LRRN2: variants seen among roughly 807,000 people sequenced by gnomAD.
The protein encoded by LRRN2 is leucine-rich repeat neuronal protein 2.
A neutral mutation model predicts 35.7 loss-of-function variants in LRRN2; 10 were observed. The observed-to-expected ratio is 0.28, with a 90% CI of 0.17 to 0.47. LRRN2 has a LOEUF of 0.47. Among genes scored for constraint, LRRN2 ranks in the 20% least tolerant of loss-of-function variants. The pLI is 0.99. For missense variants in LRRN2, 731 were observed against 940.3 expected (o/e 0.78, Z 2.91); for synonymous variants, 391 against 409.6 (o/e 0.95, Z 0.55).
chr1:204,679,957 T>C (rs1438237017), intron 1 of LRRN2, among the ~76,000 whole-genome samples: 1 of 152,152 alleles, frequency 6.6e-6, no homozygotes, highest in Non-Finnish European at 1.5e-5. Flanking sequence ...AGGGCTGGCT[T>C]AGGGGACTTT....
In LRRN2 at chr1:204,617,677, G is replaced by A. The variant is rs3789046; in HGVS notation, c.*174C>T. The stretch of plus-strand genomic sequence containing the variant: ...CCTAGGAGGTAAGGGCAACTTTTTC[G>A]AGGCTGCAGAAGCACCCCCAGGGCC... On this transcript the variant is annotated 3_prime_UTR_variant, in exon 2 of 2. Coordinates refer to ENST00000367177, the MANE Select transcript of LRRN2 (RefSeq NM_201630.2). The A allele has an allele frequency of 0.41, 294,516 of 712,540 alleles. 65,419 individuals are homozygous for A. Among genetic ancestry groups the A allele is most frequent in the Admixed American group, 0.48 (18,229 of 37,940 alleles). 44.1% of individuals were successfully genotyped at this position (712,540 alleles called of 1,614,324 possible).
intron 1 of LRRN2, among the ~76,000 whole-genome samples, chr1:204,657,339 T>C (rs1556156): frequency 0.47 from 58,324 of 123,618 alleles, 12,857 homozygotes; most frequent in East Asian, 0.6. Flanking sequence ...TATATGTATA[T>C]ATACACACAC....
intron 1 of LRRN2, among the ~76,000 whole-genome samples, chr1:204,654,452 A>G (rs1464921063): frequency 5.3e-5 from 8 of 152,220 alleles, no homozygotes; most frequent in Admixed American, 5.2e-4. Flanking sequence ...TTTCATCTGC[A>G]AATCAGAACA....
rs201376768 is a variant in LRRN2 at position 204,619,306 on chromosome 1, G to A, written c.687C>T (p.Ser229=). 2,245 of 1,614,140 alleles carry A rather than the reference G, an allele frequency of 1.4e-3. 35 individuals carry two copies. In the South Asian group the frequency reaches 0.022, roughly 16 times the overall value. ...TTTGCAGCCCCTCCAGGGCATAGTC[G>A]GAGATCTCCCGCAGGTTCATGCCTG... ...VLAGMNLREI[S]DYALEGLQSL... is the part of the protein sequence containing the mutation. Residue 229 remains serine (S), a synonymous_variant, in exon 2 of 2, where the codon TCC becomes TCT. Coordinates refer to ENST00000367177, the MANE Select transcript of LRRN2 (RefSeq NM_201630.2).
At chr1:204,623,108 G>C (rs1193622534) in intron 1 of LRRN2, among the ~76,000 whole-genome samples, 1 of 152,056 alleles carries the variant, frequency 6.6e-6, no homozygotes, top group African/African-American at 2.4e-5. Flanking sequence ...TCAAAAACAC[G>C]AAACAACTAG....
intron 1 of LRRN2, among the ~76,000 whole-genome samples, chr1:204,659,609 GGTGTGTGTGTGTGTGT>G (rs113175099): frequency 6.8e-6 from 1 of 148,068 alleles, no homozygotes; most frequent in African/African-American, 2.5e-5. Flanking sequence ...TCTACCTTCA[GGTGTGTGTGTGTGTGT>G]GTGTGTGTGT....
At chr1:204,651,135 G>C (rs1464730464) in intron 1 of LRRN2, among the ~76,000 whole-genome samples, 1 of 152,192 alleles carries the variant, frequency 6.6e-6, no homozygotes, top group Non-Finnish European at 1.5e-5. Context: ...CTGGTTCTGA[G>C]GAAGCTGTGC....
At position 204,619,981 on chromosome 1, in the gene LRRN2, G is replaced by T; in HGVS notation, c.12C>A (p.Leu4=). MRL[L]VAPLLLAWVA... ...CCCAAGCTAGCAAGAGTGGGGCCAC[G>T]AGAAGCCTCATGGTGGAGCTGCAGG... Residue 4 remains leucine (L), a synonymous_variant, in exon 2 of 2, where the codon CTC becomes CTA. Transcript: ENST00000367177. 6.2e-7 allele frequency: 1 copy of T among 1,609,542 alleles called. No individual in the cohort carries two copies. Among genetic ancestry groups the T allele is most frequent in the Admixed American group, 1.7e-5 (1 of 59,234 alleles).
At chr1:204,651,056 T>C (rs1270466499) in intron 1 of LRRN2, among the ~76,000 whole-genome samples, 2 of 152,182 alleles carry the variant, frequency 1.3e-5, no homozygotes, top group African/African-American at 4.8e-5. Flanking sequence ...ACATGAGTCA[T>C]TAAAGCAGCT....
intron 1 of LRRN2, among the ~76,000 whole-genome samples, chr1:204,650,007 C>A (rs1465743421): frequency 6.6e-6 from 1 of 152,230 alleles, no homozygotes; most frequent in Non-Finnish European, 1.5e-5. Context: ...GCCTTGTAAA[C>A]AGGCAGCTCC....
At chr1:204,657,470 T>C (rs1443200589) in intron 1 of LRRN2, among the ~76,000 whole-genome samples, 1 of 152,048 alleles carries the variant, frequency 6.6e-6, no homozygotes, top group Non-Finnish European at 1.5e-5. Context: ...AAGTGGAAGA[T>C]GCCAGACACA....
At position 204,675,511 on chromosome 1, in the gene LRRN2, C is replaced by T. The variant is rs372679561; in HGVS notation, c.-227+9809G>A. Among the ~76,000 whole-genome samples the T allele has an allele frequency of 4.6e-5, 7 of 152,278 alleles. No homozygotes were observed. In the South Asian group the frequency reaches 1.2e-3, roughly 27 times the overall value. ...CTGCCCACAGGCCCTGGCCCATGGC[C>T]CCTTCCATCTTCAACACCAGCACTG... is the stretch of plus-strand genomic sequence containing the variant. On this transcript the variant is annotated intron_variant, in intron 1 of 1. Transcript: ENST00000367177.
At chr1:204,633,631 T>A (rs1302414753) in intron 1 of LRRN2, among the ~76,000 whole-genome samples, 1 of 152,172 alleles carries the variant, frequency 6.6e-6, no homozygotes, top group Non-Finnish European at 1.5e-5. Flanking sequence ...TTCTCAGATG[T>A]GAGAAGTAAG....
intron 1 of LRRN2, among the ~76,000 whole-genome samples, chr1:204,665,240 G>A (rs531589938): frequency 2.1e-4 from 32 of 152,096 alleles, no homozygotes; most frequent in African/African-American, 5.3e-4. Context: ...ATGCATTCCC[G>A]GGGGTCTCAG....
intron 1 of LRRN2, among the ~76,000 whole-genome samples, chr1:204,678,634 C>T (rs530412727): frequency 1.4e-4 from 21 of 152,100 alleles, no homozygotes; most frequent in Admixed American, 7.9e-4. Context: ...CCAGCCTCCA[C>T]GCCGCCTCTG....
At chr1:204,642,220 T>G (rs1667994199) in intron 1 of LRRN2, among the ~76,000 whole-genome samples, 1 of 152,100 alleles carries the variant, frequency 6.6e-6, no homozygotes, top group Non-Finnish European at 1.5e-5. Context: ...TAATAATAAT[T>G]AACATGGCTG....
chr1:204,654,033 CAAA>C (rs56179230), intron 1 of LRRN2, among the ~76,000 whole-genome samples: 22,133 of 83,554 alleles, frequency 0.26, 1,191 homozygotes, highest in Non-Finnish European at 0.35. Context: ...GAGACCCTGA[CAAA>C]AAAAAAAAAA....
intron 1 of LRRN2, among the ~76,000 whole-genome samples, chr1:204,639,791 T>A (rs754134782): frequency 1.2e-4 from 18 of 152,186 alleles, no homozygotes; most frequent in Non-Finnish European, 1.8e-4. Context: ...AACTCTATTA[T>A]ATTATTATCC....
intron 1 of LRRN2, among the ~76,000 whole-genome samples, chr1:204,680,263 G>A (rs2102246011): frequency 6.6e-6 from 1 of 152,342 alleles, no homozygotes; most frequent in East Asian, 1.9e-4. Flanking sequence ...CTGGCACACA[G>A]TAAATGCTCA....
Sources: gnomAD v4.1 joint callset for allele counts (sites outside exome capture counted in the v4.1 genomes callset) on GRCh38, gnomAD v4.1.1 for gene constraint, MANE v1.5 for transcripts, NCBI Gene and HGNC (gene_info 2026-07-23, HGNC 2026-07-21) for gene names.